Variants in FYCO1 observed in about 807,000 individuals in gnomAD.
The protein encoded by FYCO1 is FYVE and coiled-coil domain-containing protein 1.
A neutral mutation model predicts 165.1 loss-of-function variants in FYCO1; 122 were observed. That is an observed-to-expected ratio of 0.74 (90% CI 0.64 to 0.86). The LOEUF (loss-of-function observed/expected upper bound fraction) is 0.86, where lower values mean the gene tolerates loss of function less well. FYCO1 is among the 40% of genes least tolerant of loss of function. FYCO1 has a pLI of 0.00. For missense variants in FYCO1, 1,702 were observed against 1,810.3 expected, an observed-to-expected ratio of 0.94 and a Z score of 1.09; for synonymous variants, 648 against 742.5, an observed-to-expected ratio of 0.87 and a Z score of 2.07.
chr3:45,987,242 GA>G (rs1263060518), intron 1 of FYCO1, among the ~76,000 whole-genome samples: 5 of 152,206 alleles, frequency 3.3e-5, no homozygotes, highest in Non-Finnish European at 5.9e-5. Flanking sequence ...GGGAGAGTCT[GA>G]CTACAAAGGA....
intron 7 of FYCO1, among the ~76,000 whole-genome samples, chr3:45,969,061 G>T (rs1000397354): frequency 1.3e-5 from 2 of 152,116 alleles, no homozygotes; most frequent in Non-Finnish European, 2.9e-5. Flanking sequence ...GCAACTCCTG[G>T]CATGATTAAG....
intron 14 of FYCO1, among the ~76,000 whole-genome samples, chr3:45,942,105 C>G (rs770858364): frequency 2.0e-5 from 3 of 152,322 alleles, no homozygotes; most frequent in African/African-American, 7.2e-5. Context: ...ACAGTCTGAA[C>G]GAATTCATTC....
intron 14 of FYCO1, among the ~76,000 whole-genome samples, chr3:45,951,124 G>T (rs886369344): frequency 5.3e-5 from 8 of 152,152 alleles, no homozygotes; most frequent in African/African-American, 1.9e-4. Flanking sequence ...GAGACGACTG[G>T]GCTGCGCAGT....
At chr3:45,941,767 G>C (rs2125813842) in intron 14 of FYCO1, among the ~76,000 whole-genome samples, 1 of 152,356 alleles carries the variant, frequency 6.6e-6, no homozygotes, top group South Asian at 2.1e-4. Context: ...GCTGAGAAAA[G>C]CATGGCCAAG....
chr3:45,921,629 C>A lies in FYCO1; in HGVS notation c.*136G>T. The A allele has an allele frequency of 1.4e-6, 1 of 709,834 alleles. No homozygotes were observed. Among genetic ancestry groups the A allele is most frequent in the South Asian group, 1.5e-5 (1 of 66,912 alleles). The allele number at this position is 709,834 out of a possible 1,614,324, so 44.0% of individuals were successfully genotyped here. A position where few individuals can be genotyped will look rare whatever the true frequency, so the allele number is the denominator to read the frequency against. ...TGCTGAGCACAAAGTCCTCCCCAGA[C>A]ACCGCCTCTGAGGGGCAGCCCAGGG... On this transcript the variant is annotated 3_prime_UTR_variant, in exon 18 of 18. Transcript: ENST00000296137.
At chr3:45,960,429 G>A (rs1705632499) in intron 11 of FYCO1, among the ~76,000 whole-genome samples, 1 of 152,162 alleles carries the variant, frequency 6.6e-6, no homozygotes, top group Admixed American at 6.5e-5. Flanking sequence ...GGCTTGGCTG[G>A]CTTTTTCAAG....
Position 45,967,998 on chromosome 3 carries a change from C to T in FYCO1, c.1336G>A (p.Glu446Lys), listed in dbSNP as rs1281977492. 1 of 1,614,146 alleles carries T rather than the reference C, an allele frequency of 6.2e-7. No individual in the cohort carries two copies. The highest frequency in any genetic ancestry group is 1.1e-5 in the South Asian group (1 of 91,088). ...QLKEDARASL[E>K]RLVKEMAPLQ... The stretch of plus-strand genomic sequence containing the variant: ...GGGGCCATCTCCTTCACCAGGCGCT[C>T]CAGGCTGGCCCGGGCATCCTCTTTC... The change falls in exon 8 of 18, where the codon GAG (glutamate) becomes AAG (lysine). Residue 446 changes from glutamate (E) to lysine (K), a missense_variant. Transcript: ENST00000296137.
intron 4 of FYCO1, among the ~76,000 whole-genome samples, chr3:45,978,962 T>G (rs1395632754): frequency 6.7e-6 from 1 of 149,888 alleles, no homozygotes; most frequent in African/African-American, 2.4e-5. Context: ...GTTCACGCCA[T>G]TCTCCTGCCT....
chr3:45,975,486 G>A (rs1413101082), intron 4 of FYCO1, 141 bp from the exon 5 acceptor site: 8 of 700,178 alleles, frequency 1.1e-5, no homozygotes, highest in Non-Finnish European at 2.1e-5. Flanking sequence ...TCCTTCAAAG[G>A]ACACAACACA....
chr3:45,923,379 C>T (rs1559437590), intron 17 of FYCO1, among the ~76,000 whole-genome samples: 2 of 152,210 alleles, frequency 1.3e-5, no homozygotes, highest in South Asian at 2.1e-4. Flanking sequence ...CTGGCCAGAC[C>T]GCCTGGTTCA....
At chr3:45,986,098 G>A (rs1031909659) in intron 1 of FYCO1, among the ~76,000 whole-genome samples, 6 of 152,230 alleles carry the variant, frequency 3.9e-5, no homozygotes, top group Non-Finnish European at 7.3e-5. Flanking sequence ...AGGAGAAAAT[G>A]ATGCTCAGAG....
At chr3:45,995,361 C>T (rs911486322) in intron 1 of FYCO1, among the ~76,000 whole-genome samples, 1 of 152,240 alleles carries the variant, frequency 6.6e-6, no homozygotes, top group South Asian at 2.1e-4. Flanking sequence ...GCAGGAACTC[C>T]GGGGCCTGCC....
intron 14 of FYCO1, among the ~76,000 whole-genome samples, chr3:45,952,739 C>T (rs1412349647): frequency 1.3e-5 from 2 of 152,234 alleles, no homozygotes; most frequent in Admixed American, 6.5e-5. Context: ...AGGATAGTCA[C>T]TTTCTCACTC....
At chr3:45,988,262 C>T (rs1707397448) in intron 1 of FYCO1, among the ~76,000 whole-genome samples, 1 of 152,160 alleles carries the variant, frequency 6.6e-6, no homozygotes, top group Non-Finnish European at 1.5e-5. Flanking sequence ...AGGAACTCAG[C>T]ATCTTGCCCT....
intron 4 of FYCO1, among the ~76,000 whole-genome samples, chr3:45,979,151 C>T (rs1305601343): frequency 4.6e-5 from 7 of 152,170 alleles, no homozygotes; most frequent in Non-Finnish European, 7.3e-5. Context: ...TGAGCCACCG[C>T]GCCCGGCCTG....
intron 15 of FYCO1, 133 bp from the exon 16 acceptor site, chr3:45,931,414 G>A: frequency 1.3e-6 from 1 of 789,760 alleles, no homozygotes; most frequent in South Asian, 1.5e-5. Context: ...GGTAACCTTG[G>A]CCAACATGCT....
chr3:45,938,135 T>C, intron 14 of FYCO1: 2 of 1,005,078 alleles, frequency 2.0e-6, no homozygotes, highest in South Asian at 2.7e-5. Flanking sequence ...ATCTATAATT[T>C]CCTCTCTTCC....
At chr3:45,960,579 C>T (rs149789656) in intron 11 of FYCO1, among the ~76,000 whole-genome samples, 2 of 152,262 alleles carry the variant, frequency 1.3e-5, no homozygotes, top group East Asian at 3.9e-4. Flanking sequence ...GTCACAAATA[C>T]CCTGAGTTCT....
chr3:45,946,419 C>T (rs1704608430), intron 14 of FYCO1: 1 of 1,441,094 alleles, frequency 6.9e-7, no homozygotes, highest in South Asian at 1.3e-5. Context: ...CAAAGAATGC[C>T]ATCCTCAGCC....
Sources: gnomAD v4.1 joint callset for allele counts (sites outside exome capture counted in the v4.1 genomes callset) on GRCh38, gnomAD v4.1.1 for gene constraint, MANE v1.5 for transcripts, NCBI Gene and HGNC (gene_info 2026-07-23, HGNC 2026-07-21) for gene names.